Variants in QKI observed in about 807,000 individuals in gnomAD.
QKI encodes the protein QKI, KH domain containing RNA binding.
A neutral mutation model predicts 39.0 loss-of-function variants in QKI; 10 were observed. That is an observed-to-expected ratio of 0.26 (90% CI 0.16 to 0.43). The LOEUF (loss-of-function observed/expected upper bound fraction) is 0.43, where lower values mean the gene tolerates loss of function less well. QKI is among the 20% of genes least tolerant of loss of function. The probability of loss-of-function intolerance (pLI) is 1.00; values close to 1 mark genes in which losing one functional copy is unlikely to be tolerated. For synonymous variants in QKI, 204 were observed against 155.4 expected (o/e 1.31, Z -2.33); for missense variants, 218 against 428.0 (o/e 0.51, Z 4.33).
intron 1 of QKI, among the ~76,000 whole-genome samples, chr6:163,416,819 C>G (rs190760115): frequency 1.3e-5 from 2 of 152,192 alleles, no homozygotes; most frequent in Admixed American, 6.5e-5. Flanking sequence ...TCAAGTTGCT[C>G]CAGAGAAAAC....
At chr6:163,457,201 A>G (rs1479263651) in intron 2 of QKI, among the ~76,000 whole-genome samples, 2 of 152,352 alleles carry the variant, frequency 1.3e-5, no homozygotes, top group Non-Finnish European at 1.5e-5. Context: ...TAAGACCACA[A>G]GACCTTGATA....
chr6:163,510,755 A>G (rs1184866336), intron 3 of QKI, among the ~76,000 whole-genome samples: 3 of 152,192 alleles, frequency 2.0e-5, no homozygotes, highest in Non-Finnish European at 4.4e-5. Context: ...CATCAGGAGG[A>G]CATATCAATC....
chr6:163,476,337 C>A (rs1313096127), intron 2 of QKI, among the ~76,000 whole-genome samples: 1 of 145,494 alleles, frequency 6.9e-6, no homozygotes, highest in Non-Finnish European at 1.5e-5. Context: ...TCTCAAGGGT[C>A]AGTCTCTTGT....
chr6:163,460,494 CTCTT>C (rs1252199159), intron 2 of QKI, among the ~76,000 whole-genome samples: 5 of 152,086 alleles, frequency 3.3e-5, no homozygotes, highest in Non-Finnish European at 7.4e-5. Context: ...GTTGTAAGTT[CTCTT>C]TCTGTTTCAT....
intron 2 of QKI, among the ~76,000 whole-genome samples, chr6:163,463,969 A>T (rs1041965805): frequency 6.6e-6 from 1 of 152,118 alleles, no homozygotes; most frequent in Admixed American, 6.6e-5. Flanking sequence ...CTTCCCACCA[A>T]ACATGCTCAG....
chr6:163,535,172 G>A, intron 4 of QKI, 47 bp downstream of exon 4: 2 of 1,503,162 alleles, frequency 1.3e-6, no homozygotes, highest in Non-Finnish European at 1.8e-6. Flanking sequence ...GTCCTTTTTT[G>A]TCAGTTTATT....
chr6:163,509,813 A>G (rs1425553998), intron 3 of QKI, among the ~76,000 whole-genome samples: 1 of 152,194 alleles, frequency 6.6e-6, no homozygotes, highest in Non-Finnish European at 1.5e-5. Flanking sequence ...AAACAGTAGT[A>G]AAAATGGTAG....
intron 3 of QKI, among the ~76,000 whole-genome samples, chr6:163,484,448 A>C (rs1486288266): frequency 6.6e-6 from 1 of 152,064 alleles, no homozygotes. Flanking sequence ...TGATCTGCCC[A>C]CCTTGGCCTT....
intron 1 of QKI, among the ~76,000 whole-genome samples, chr6:163,417,356 C>T (rs998067857): frequency 4.6e-5 from 7 of 152,026 alleles, no homozygotes; most frequent in Admixed American, 2.6e-4. Flanking sequence ...AAATTGCATT[C>T]CTGAAATGTC....
chr6:163,454,130 A>G (rs1790765173), intron 1 of QKI, among the ~76,000 whole-genome samples: 2 of 152,198 alleles, frequency 1.3e-5, no homozygotes, highest in Non-Finnish European at 2.9e-5. Context: ...CACAGTCTGT[A>G]GGATAGAGAG....
At position 163,562,017 on chromosome 6, in the gene QKI, G is replaced by C. The variant is rs756870584; in HGVS notation, c.582G>C (p.Leu194=). ...EGEDSLKKMQ[L]MELAILNGTY... ...AAGACAGCCTGAAGAAGATGCAGCT[G>C]ATGGAGCTTGCGATTCTGAATGGCA... The change falls in exon 5 of 8, where the codon CTG becomes CTC. Residue 194 remains leucine (L), a synonymous_variant. Coordinates refer to ENST00000361752, the MANE Select transcript of QKI (RefSeq NM_006775.3). 1.5e-4 allele frequency: 241 copies of C among 1,613,508 alleles called. No individual in the cohort carries two copies. The highest frequency in any genetic ancestry group is 2.0e-4 in the Non-Finnish European group (234 of 1,179,802).
At chr6:163,508,945 C>T (rs914636392) in intron 3 of QKI, among the ~76,000 whole-genome samples, 2 of 85,990 alleles carry the variant, frequency 2.3e-5, no homozygotes, top group African/African-American at 6.4e-5. Flanking sequence ...TCGAGACCAG[C>T]CTGGCCAACA....
intron 4 of QKI, among the ~76,000 whole-genome samples, chr6:163,539,715 T>C (rs1781400805): frequency 6.6e-6 from 1 of 152,230 alleles, no homozygotes; most frequent in Non-Finnish European, 1.5e-5. Context: ...GGTTAAAGGG[T>C]AAGTGCATTT....
chr6:163,415,449 G>T lies in QKI; in HGVS notation c.142+114G>T, dbSNP rs550487898. The stretch of plus-strand genomic sequence containing the variant: ...CACGGCCGGGCGGGACCGAGCGCCG[G>T]GGGGACTGGGAGGCCAGGAGGGCGC... On this transcript the variant is annotated intron_variant, in intron 1 of 7. Transcript: ENST00000361752. The T allele has an allele frequency of 1.4e-5, 15 of 1,080,216 alleles. No homozygotes were observed. The South Asian group carries it at 2.7e-4, about 19-fold the overall frequency. The allele number at this position is 1,080,216 out of a possible 1,614,324, so 66.9% of individuals were successfully genotyped here.
chr6:163,570,481 A>G (rs1783639810), intron 7 of QKI: 5 of 952,300 alleles, frequency 5.3e-6, no homozygotes, highest in Non-Finnish European at 6.1e-6. Flanking sequence ...GCTCTTCTTC[A>G]TTTGTTCAAA....
At chr6:163,479,942 A>G (rs1001030875) in intron 3 of QKI, among the ~76,000 whole-genome samples, 8 of 152,224 alleles carry the variant, frequency 5.3e-5, no homozygotes, top group African/African-American at 1.4e-4. Flanking sequence ...CACTAGCCAT[A>G]TGAGATACAC....
chr6:163,564,819 C>T, intron 6 of QKI: 12 of 1,586,938 alleles, frequency 7.6e-6, no homozygotes, highest in Non-Finnish European at 1.0e-5. Context: ...AATTTGAATA[C>T]TTTTTTTCCT....
At chr6:163,419,383 G>C (rs1166006631) in intron 1 of QKI, among the ~76,000 whole-genome samples, 1 of 151,904 alleles carries the variant, frequency 6.6e-6, no homozygotes, top group East Asian at 1.9e-4. Flanking sequence ...GAGGACTCTT[G>C]CTATACAGAT....
In QKI at chr6:163,519,278, C is replaced by T. The variant is rs1259666817; in HGVS notation, c.403-15704C>T. Among the ~76,000 whole-genome samples the T allele has an allele frequency of 8.5e-5, 13 of 152,204 alleles. No individual in the cohort carries two copies. In the East Asian group the frequency reaches 2.1e-3, roughly 25 times the overall value. On this transcript the variant is annotated intron_variant, in intron 3 of 7. Transcript: ENST00000361752. ...TGAAATGAAATGATATGTAGACATG[C>T]AGAGTTCCTTATAAACATATGTCAT...
Sources: allele counts gnomAD v4.1 joint callset (sites outside exome capture counted in the v4.1 genomes callset), GRCh38; gene constraint gnomAD v4.1.1; transcripts MANE v1.5; gene names NCBI Gene and HGNC (gene_info 2026-07-23, HGNC 2026-07-21).